CDK2AP1: variants seen among roughly 807,000 people sequenced by gnomAD.
The protein encoded by CDK2AP1 is cyclin-dependent kinase 2-associated protein 1.
CDK2AP1 carries 10 observed loss-of-function variants against 14.1 expected under a neutral mutation model. The ratio of observed to expected loss-of-function variants is 0.71; its 90% CI spans 0.44 to 1.20. The LOEUF (loss-of-function observed/expected upper bound fraction) is 1.20, where lower values mean the gene tolerates loss of function less well. Ranked by LOEUF, CDK2AP1 falls within the 50% of genes most tolerant of loss-of-function variation. The pLI is 0.00. For missense variants in CDK2AP1, 102 were observed against 149.9 expected, an observed-to-expected ratio of 0.68 and a Z score of 1.67; for synonymous variants, 59 against 59.8, an observed-to-expected ratio of 0.99 and a Z score of 0.06.
intron 1 of CDK2AP1, among the ~76,000 whole-genome samples, chr12:123,270,626 C>T (rs902085311): frequency 6.6e-6 from 1 of 152,174 alleles, no homozygotes; most frequent in African/African-American, 2.4e-5. Context: ...GTTGTGCCCA[C>T]TCCCCATGGC....
At chr12:123,264,953 C>A (rs188878826) in intron 3 of CDK2AP1, among the ~76,000 whole-genome samples, 40 of 152,246 alleles carry the variant, frequency 2.6e-4, no homozygotes, top group African/African-American at 9.4e-4. Context: ...GTAAGAAGGG[C>A]TCCCTGCCTG....
At chr12:123,264,397 T>G (rs1046046933) in intron 3 of CDK2AP1, among the ~76,000 whole-genome samples, 2 of 139,014 alleles carry the variant, frequency 1.4e-5, no homozygotes, top group Non-Finnish European at 3.0e-5. Context: ...GAGGCGGAGG[T>G]TGCGGTGAGC....
intron 1 of CDK2AP1, among the ~76,000 whole-genome samples, chr12:123,270,397 G>A (rs1193648490): frequency 6.6e-6 from 1 of 151,990 alleles, no homozygotes; most frequent in African/African-American, 2.4e-5. Flanking sequence ...TCCGATTTGG[G>A]GGGTTACGAG....
At chr12:123,268,486 G>A (rs1041739786) in intron 1 of CDK2AP1, among the ~76,000 whole-genome samples, 19 of 152,372 alleles carry the variant, frequency 1.2e-4, no homozygotes, top group South Asian at 6.2e-4. Context: ...CAGCTACCCC[G>A]GCACCTGCCC....
At chr12:123,267,662 G>A (rs1393896414) in intron 1 of CDK2AP1, 8 of 207,250 alleles carry the variant, frequency 3.9e-5, no homozygotes, top group Admixed American at 5.3e-5. Context: ...ACACCACAGC[G>A]CCACATAGGC....
At chr12:123,263,669 C>A (rs61231969) in intron 3 of CDK2AP1, among the ~76,000 whole-genome samples, 7,366 of 152,238 alleles carry the variant, frequency 0.048, 316 homozygotes, top group East Asian at 0.25. Context: ...CTTTGAGACC[C>A]GTCAACCTCT....
chr12:123,261,848 A>G lies in CDK2AP1; in HGVS notation c.281-45T>C, dbSNP rs748086271. The G allele has an allele frequency of 5.5e-6, 7 of 1,274,054 alleles. No individual in the cohort carries two copies. The East Asian group carries it at 6.9e-5, about 13-fold the overall frequency. The allele number at this position is 1,274,054 out of a possible 1,614,324, so 78.9% of individuals were successfully genotyped here. A position where few individuals can be genotyped will look rare whatever the true frequency, so the allele number is the denominator to read the frequency against. ...CTGAGGTCAGCAAGTGCACAGGACCAGCCAGCAAAGCCCATTCTGAAACAG... is the reference window on the plus strand; with the variant it reads ...CTGAGGTCAGCAAGTGCACAGGACCGGCCAGCAAAGCCCATTCTGAAACAG... On this transcript the variant is annotated intron_variant, in intron 3 of 3. Transcript: ENST00000261692.
intron 1 of CDK2AP1, among the ~76,000 whole-genome samples, chr12:123,269,564 T>C (rs1216490945): frequency 1.3e-5 from 2 of 152,088 alleles, no homozygotes; most frequent in African/African-American, 4.8e-5. Context: ...GAGCGAGGGG[T>C]TGGCAGAGGC....
chr12:123,271,182 G>A (rs2048350903), intron 1 of CDK2AP1: 1 of 214,086 alleles, frequency 4.7e-6, no homozygotes, highest in South Asian at 1.6e-4. Context: ...CTCCCGGCGC[G>A]GCCCGGGCCG....
At chr12:123,270,266 G>A (rs1164685858) in intron 1 of CDK2AP1, 8 of 868,462 alleles carry the variant, frequency 9.2e-6, no homozygotes, top group Non-Finnish European at 1.1e-5. Flanking sequence ...TGCTCTTTGG[G>A]ACTCCGAGCC....
At chr12:123,264,606 T>C (rs911272919) in intron 3 of CDK2AP1, among the ~76,000 whole-genome samples, 33 of 151,894 alleles carry the variant, frequency 2.2e-4, no homozygotes, top group African/African-American at 7.7e-4. Flanking sequence ...TTTCAGAAGG[T>C]AGCAACCTAT....
intron 1 of CDK2AP1, chr12:123,267,900 A>T (rs1178676508): frequency 6.5e-6 from 1 of 154,392 alleles, no homozygotes; most frequent in Non-Finnish European, 1.4e-5. Context: ...CTCCCCAAAG[A>T]GGGGACCAGA....
intron 1 of CDK2AP1, chr12:123,270,987 T>C (rs1397440585): frequency 1.0e-6 from 1 of 983,512 alleles, no homozygotes; most frequent in Non-Finnish European, 1.2e-6. Context: ...GGCGACCCCA[T>C]CCTGGTCCCA....
chr12:123,266,437 C>T lies in CDK2AP1; in HGVS notation c.153+748G>A, dbSNP rs2048295086. ...CTGGTGGGGCATGGCCGGGGAGCCG[C>T]CCACTTGGCGAGGAACAGGCTCCAT... On this transcript the variant is annotated intron_variant, in intron 2 of 3. Coordinates refer to ENST00000261692, the MANE Select transcript of CDK2AP1 (RefSeq NM_004642.4). 2.0e-5 allele frequency among the ~76,000 whole-genome samples: 3 copies of T among 152,258 alleles called. No individual in the cohort carries two copies. In the South Asian group the frequency reaches 6.2e-4, roughly 32 times the overall value.
chr12:123,266,369 G>A (rs1449760529), intron 2 of CDK2AP1, among the ~76,000 whole-genome samples: 8 of 152,242 alleles, frequency 5.3e-5, no homozygotes, highest in East Asian at 1.9e-4. Context: ...AGCCGGTCCC[G>A]CTCACAGGCC....
Position 123,265,413 on chromosome 12 carries a change from G to T in CDK2AP1, c.154-91C>A. On this transcript the variant is annotated intron_variant, in intron 2 of 3. Transcript: ENST00000261692. This position sits in a 1 kb window ranked among gnomAD's most constrained non-coding sequence, Gnocchi z 5.3. ...AGTTACTCAGGAGGCTGAGGCAGGA[G>T]AACTGCTTGGACCCAGGAGGTGGAA... is the stretch of plus-strand genomic sequence containing the variant. The T allele has an allele frequency of 2.4e-6, 3 of 1,269,078 alleles. No individual in the cohort carries two copies. Among genetic ancestry groups the T allele is most frequent in the Non-Finnish European group, 3.4e-6 (3 of 883,292 alleles). 78.6% of individuals were successfully genotyped at this position (1,269,078 alleles called of 1,614,324 possible).
chr12:123,269,730 C>T (rs2048336470), intron 1 of CDK2AP1, among the ~76,000 whole-genome samples: 1 of 152,204 alleles, frequency 6.6e-6, no homozygotes, highest in Non-Finnish European at 1.5e-5. Context: ...ACTGCCACCA[C>T]CGGCCAGGCC....
rs1374263450 is a variant in CDK2AP1, at chr12:123,265,508, A to G, written c.154-186T>C. Among the ~76,000 whole-genome samples, 66 of 39,494 alleles carry G rather than the reference A, an allele frequency of 1.7e-3. No homozygotes were observed. The highest frequency in any genetic ancestry group is 9.8e-3 in the South Asian group (7 of 714). 25.9% of individuals were successfully genotyped at this position (39,494 alleles called of 152,430 possible). On this transcript the variant is annotated intron_variant, in intron 2 of 3. Coordinates refer to ENST00000261692, the MANE Select transcript of CDK2AP1 (RefSeq NM_004642.4). The surrounding 1 kb of genome is among the most constrained non-coding windows in gnomAD (Gnocchi z 5.3). ...ACAGAGCGAGACTCCATCTCGGGGG[A>G]AAAAAAAAAAAAAGGGTTCAGCAGC... is the stretch of plus-strand genomic sequence containing the variant.
intron 1 of CDK2AP1, among the ~76,000 whole-genome samples, chr12:123,268,915 C>A (rs1395458868): frequency 6.6e-6 from 1 of 152,204 alleles, no homozygotes; most frequent in African/African-American, 2.4e-5. Flanking sequence ...GACCTGGGTT[C>A]TGATCCTGGT....
Sources: allele counts gnomAD v4.1 joint callset (sites outside exome capture counted in the v4.1 genomes callset), GRCh38; gene constraint gnomAD v4.1.1; non-coding constraint Gnocchi (gnomAD v3.1); transcripts MANE v1.5; gene names NCBI Gene and HGNC (gene_info 2026-07-23, HGNC 2026-07-21).